Variants in ITGBL1 observed in about 807,000 individuals in gnomAD.
ITGBL1 encodes integrin subunit beta like 1.
ITGBL1 carries 51 observed loss-of-function variants against 68.5 expected under a neutral mutation model. The ratio of observed to expected loss-of-function variants is 0.74; its 90% confidence interval spans 0.59 to 0.94. The LOEUF (loss-of-function observed/expected upper bound fraction) is 0.94, where lower values mean the gene tolerates loss of function less well. ITGBL1 is among the 40% of genes least tolerant of loss of function. The probability of loss-of-function intolerance (pLI) is 0.00; values close to 1 mark genes in which losing one functional copy is unlikely to be tolerated. For missense variants in ITGBL1, 649 were observed against 647.4 expected (o/e 1.00, Z -0.03); for synonymous variants, 209 against 227.3 (o/e 0.92, Z 0.72).
At chr13:101,509,507 C>G (rs1044508439) in intron 2 of ITGBL1, among the ~76,000 whole-genome samples, 6 of 152,104 alleles carry the variant, frequency 3.9e-5, no homozygotes, top group East Asian at 1.9e-4. Context: ...TACCCAGGTT[C>G]TAAATTGAAT....
intron 9 of ITGBL1, chr13:101,712,734 C>T (rs1032450795): frequency 6.6e-6 from 1 of 152,168 alleles, no homozygotes; most frequent in Non-Finnish European, 1.5e-5. Context: ...AGATATATCA[C>T]TATCCATTTG....
intron 7 of ITGBL1, among the ~76,000 whole-genome samples, chr13:101,690,671 A>G (rs971924870): frequency 1.3e-5 from 2 of 152,128 alleles, no homozygotes; most frequent in African/African-American, 4.8e-5. Flanking sequence ...GGAGTTCAGA[A>G]AATCTAGGTT....
At chr13:101,486,438 T>C (rs1249878848) in intron 2 of ITGBL1, among the ~76,000 whole-genome samples, 2 of 151,976 alleles carry the variant, frequency 1.3e-5, no homozygotes, top group African/African-American at 4.8e-5. Flanking sequence ...AAATCACCAC[T>C]AAAGAACTTC....
intron 2 of ITGBL1, chr13:101,490,005 G>A: frequency 6.9e-7 from 1 of 1,445,114 alleles, no homozygotes; most frequent in Non-Finnish European, 9.4e-7. Context: ...ATAAAGGTAA[G>A]TAGTATTTTT....
At chr13:101,708,467 G>A (rs969772339) in intron 9 of ITGBL1, among the ~76,000 whole-genome samples, 1 of 152,066 alleles carries the variant, frequency 6.6e-6, no homozygotes, top group African/African-American at 2.4e-5. Context: ...TTCTGAAGAA[G>A]ACAGCAAAGC....
At position 101,577,601 on chromosome 13, in the gene ITGBL1, A is replaced by G. The variant is rs116378310; in HGVS notation, c.587-1686A>G. On this transcript the variant is annotated intron_variant, in intron 4 of 10. Coordinates refer to ENST00000376180, the MANE Select transcript of ITGBL1 (RefSeq NM_004791.3). ...AAATATAGATTTTCTATCATTTATTAATATAGTAATCCTTACTTATGTTGC... is the reference window on the plus strand; with the variant it reads ...AAATATAGATTTTCTATCATTTATTGATATAGTAATCCTTACTTATGTTGC... Among the ~76,000 whole-genome samples, 595 of 152,306 alleles carry G rather than the reference A, an allele frequency of 3.9e-3. 2 individuals are homozygous for G. The highest frequency in any genetic ancestry group is 0.014 in the African/African-American group (570 of 41,582).
Position 101,473,218 on chromosome 13 carries a change from G to A in ITGBL1, c.316+19118G>A, listed in dbSNP as rs1161267702. On this transcript the variant is annotated intron_variant, in intron 2 of 10. Transcript: ENST00000376180. ...AACCAGATGAGTGATCACAGTACCC[G>A]GTTTCAATACCATATCAAAGAAAGA... Among the ~76,000 whole-genome samples, 3 of 152,124 alleles carry A rather than the reference G, an allele frequency of 2.0e-5. No homozygotes were observed. The East Asian group carries it at 5.8e-4, about 29-fold the overall frequency.
chr13:101,715,879 G>T lies in ITGBL1; in HGVS notation c.*225G>T, dbSNP rs2034699639. 2.3e-6 allele frequency: 1 copy of T among 428,750 alleles called. No homozygotes were observed. Among genetic ancestry groups the T allele is most frequent in the Non-Finnish European group, 4.2e-6 (1 of 237,492 alleles). 26.6% of individuals were successfully genotyped at this position (428,750 alleles called of 1,614,324 possible). On this transcript the variant is annotated 3_prime_UTR_variant, in exon 11 of 11. Coordinates refer to ENST00000376180, the MANE Select transcript of ITGBL1 (RefSeq NM_004791.3). ...AAAGATTCTTCCATAATTAACATAA[G>T]TGGTTCCTAACGAGAGCAATTTTTC...
intron 2 of ITGBL1, among the ~76,000 whole-genome samples, chr13:101,506,378 G>C (rs1027398009): frequency 1.3e-5 from 2 of 152,158 alleles, no homozygotes; most frequent in African/African-American, 4.8e-5. Flanking sequence ...TGTTTATTCT[G>C]GGATAACTTT....
chr13:101,589,562 T>G (rs559337013), intron 6 of ITGBL1, among the ~76,000 whole-genome samples: 1 of 152,314 alleles, frequency 6.6e-6, no homozygotes, highest in East Asian at 1.9e-4. Context: ...GTGGATGATT[T>G]GAGGAGGAAC....
At chr13:101,627,459 A>G (rs1317573427) in intron 7 of ITGBL1, among the ~76,000 whole-genome samples, 2 of 151,924 alleles carry the variant, frequency 1.3e-5, no homozygotes, top group Non-Finnish European at 2.9e-5. Flanking sequence ...TTTACACAGC[A>G]CTATCCCCCA....
At chr13:101,593,993 A>T (rs1220682240) in intron 6 of ITGBL1, among the ~76,000 whole-genome samples, 1 of 152,176 alleles carries the variant, frequency 6.6e-6, no homozygotes, top group Non-Finnish European at 1.5e-5. Context: ...CAACCTATAT[A>T]TGTATCAAAA....
At chr13:101,465,864 A>G (rs1328280556) in intron 2 of ITGBL1, among the ~76,000 whole-genome samples, 3 of 152,248 alleles carry the variant, frequency 2.0e-5, no homozygotes, top group African/African-American at 4.8e-5. Context: ...CATTATGGCT[A>G]TGGAATAAAT....
intron 7 of ITGBL1, among the ~76,000 whole-genome samples, chr13:101,638,002 C>T (rs916159165): frequency 3.9e-5 from 6 of 152,060 alleles, no homozygotes; most frequent in Non-Finnish European, 5.9e-5. Flanking sequence ...ATTCCTGTTA[C>T]ACTATAAAAT....
At chr13:101,577,060 T>C (rs2050374740) in intron 4 of ITGBL1, among the ~76,000 whole-genome samples, 1 of 152,200 alleles carries the variant, frequency 6.6e-6, no homozygotes, top group African/African-American at 2.4e-5. Flanking sequence ...AAATGTAACT[T>C]GAAACAACAC....
rs1230552946 is a variant in ITGBL1, at chr13:101,598,217, G to A, written c.933G>A (p.Glu311=). Residue 311 remains glutamate (E), a synonymous_variant, in exon 7 of 11, where the codon GAG becomes GAA. Transcript: ENST00000376180. ...CAGGCTGGTATGGGAAGAAGTGTGA[G>A]CACCCACAGTCCTGCACGCTGTCAG... ...CKAGWYGKKC[E]HPQSCTLSAE... is the part of the protein sequence containing the mutation. 1.2e-6 allele frequency: 2 copies of A among 1,613,834 alleles called. No homozygotes were observed. The highest frequency in any genetic ancestry group is 3.3e-5 in the Admixed American group (2 of 59,982).
intron 7 of ITGBL1, among the ~76,000 whole-genome samples, chr13:101,680,888 G>A (rs1310834598): frequency 6.6e-6 from 1 of 152,100 alleles, no homozygotes; most frequent in Non-Finnish European, 1.5e-5. Context: ...TTGTACCTGT[G>A]CCACAAAGTG....
chr13:101,509,364 G>C (rs2049078475), intron 2 of ITGBL1, among the ~76,000 whole-genome samples: 1 of 152,098 alleles, frequency 6.6e-6, no homozygotes, highest in African/African-American at 2.4e-5. Context: ...GATGAGATTT[G>C]GGTGGGGACA....
At chr13:101,508,774 G>A (rs2049066505) in intron 2 of ITGBL1, among the ~76,000 whole-genome samples, 1 of 151,992 alleles carries the variant, frequency 6.6e-6, no homozygotes, top group African/African-American at 2.4e-5. Context: ...TTTGTCCAGA[G>A]CTCAGATGAA....
Sources: gnomAD v4.1 joint callset for allele counts (sites outside exome capture counted in the v4.1 genomes callset) on GRCh38, gnomAD v4.1.1 for gene constraint, MANE v1.5 for transcripts, NCBI Gene and HGNC (gene_info 2026-07-23, HGNC 2026-07-21) for gene names.